The following ZNF827 variants were observed in gnomAD, a reference collection of about 807,000 sequenced individuals.
ZNF827 encodes the protein zinc finger protein 827.
ZNF827 carries 13 observed loss-of-function variants against 102.4 expected under a neutral mutation model. The ratio of observed to expected loss-of-function variants is 0.13; its 90% CI spans 0.08 to 0.20. The LOEUF (loss-of-function observed/expected upper bound fraction) is 0.20. Among genes scored for constraint, ZNF827 ranks in the 10% least tolerant of loss-of-function variants. The pLI, the probability that ZNF827 is intolerant of heterozygous loss-of-function variation, is 1.00. For missense variants in ZNF827, 1,103 were observed against 1,344.4 expected (o/e 0.82, Z 2.81); for synonymous variants, 523 against 536.2 (o/e 0.98, Z 0.34).
At chr4:145,904,029 T>C (rs144655130) in intron 1 of ZNF827, among the ~76,000 whole-genome samples, 2 of 152,272 alleles carry the variant, frequency 1.3e-5, no homozygotes, top group Non-Finnish European at 2.9e-5. Context: ...ACTAAGAGTG[T>C]CTTTTCATTA....
intron 8 of ZNF827, among the ~76,000 whole-genome samples, chr4:145,820,852 A>C (rs1447809535): frequency 1.3e-5 from 2 of 152,118 alleles, no homozygotes; most frequent in African/African-American, 4.8e-5. Context: ...TTCACACTCC[A>C]ATCTTATTAT....
intron 2 of ZNF827, among the ~76,000 whole-genome samples, chr4:145,899,978 T>C (rs745312956): frequency 6.6e-6 from 1 of 152,222 alleles, no homozygotes; most frequent in Non-Finnish European, 1.5e-5. Context: ...ATCTCCCATA[T>C]TCAATTATTC....
chr4:145,867,717 A>AT (rs1250880162), intron 5 of ZNF827, among the ~76,000 whole-genome samples: 1 of 152,230 alleles, frequency 6.6e-6, no homozygotes, highest in Admixed American at 6.5e-5. Context: ...TTTCCCAAGC[A>AT]TATGGGAAGA....
intron 5 of ZNF827, among the ~76,000 whole-genome samples, chr4:145,857,387 T>A (rs1561006012): frequency 6.6e-6 from 1 of 152,254 alleles, no homozygotes; most frequent in Non-Finnish European, 1.5e-5. Flanking sequence ...ACATATCATT[T>A]TCTACAAGAT....
rs546415878 is a variant in ZNF827 at position 145,902,139 on chromosome 4, C to G, written c.1093+27G>C. ...CAGTTTATAGTCTAAAGGACTTACACGATGATTGAAAGAAAAGATGCCATA... is the reference window on the plus strand; with the variant it reads ...CAGTTTATAGTCTAAAGGACTTACAGGATGATTGAAAGAAAAGATGCCATA... On this transcript the variant is annotated intron_variant, in intron 2 of 14. Transcript: ENST00000508784. The surrounding 1 kb of genome is among the most constrained non-coding windows in gnomAD (Gnocchi z 4.3). 1 of 1,558,962 alleles carries G rather than the reference C, an allele frequency of 6.4e-7. No homozygotes were observed. The highest frequency in any genetic ancestry group is 1.4e-5 in the African/African-American group (1 of 72,708).
intron 1 of ZNF827, among the ~76,000 whole-genome samples, chr4:145,925,027 T>A (rs1753327176): frequency 6.6e-6 from 1 of 152,106 alleles, no homozygotes; most frequent in Non-Finnish European, 1.5e-5. Flanking sequence ...GGCCTCACAA[T>A]CACAGTGGAA....
chr4:145,864,518 T>C (rs1296424903), intron 5 of ZNF827, among the ~76,000 whole-genome samples: 1 of 151,300 alleles, frequency 6.6e-6, no homozygotes, highest in Non-Finnish European at 1.5e-5. Context: ...CGCTTGAGCC[T>C]AGGAGTTCAA....
rs6858714 is a variant in ZNF827 at position 145,861,792 on chromosome 4, T to C, written c.1981+8453A>G. Reference sequence around the variant, plus strand: ...AGTCCAACAGAAAAGGAATCTACGATGAAGGTGGAGCACATTAAATTCCTG... The same window carrying C: ...AGTCCAACAGAAAAGGAATCTACGACGAAGGTGGAGCACATTAAATTCCTG... On this transcript the variant is annotated intron_variant, in intron 5 of 14. Transcript: ENST00000508784. Among the ~76,000 whole-genome samples the C allele has an allele frequency of 6.4e-3, 978 of 152,228 alleles. 15 individuals are homozygous for C. The highest frequency in any genetic ancestry group is 0.023 in the African/African-American group (942 of 41,522).
rs762854768 is a variant in ZNF827 at position 145,902,649 on chromosome 4, AGGT to A, written c.607_609del (p.Thr203del). ...ATGGCTGAATCCGGAGACAAGCTGCAGGTGGTGGTTGAGTTTGGCAACCACTTA... is the reference window on the plus strand; with the variant it reads ...ATGGCTGAATCCGGAGACAAGCTGCAGGTGGTTGAGTTTGGCAACCACTTA... On this transcript the variant is annotated inframe_deletion, in exon 2 of 15. Transcript: ENST00000508784. The surrounding 1 kb of genome is among the most constrained non-coding windows in gnomAD (Gnocchi z 4.3). 13 of 1,613,946 alleles carry A rather than the reference AGGT, an allele frequency of 8.1e-6. No homozygotes were observed. The East Asian group carries it at 2.5e-4, about 30-fold the overall frequency.
At chr4:145,916,926 T>C (rs1352469591) in intron 1 of ZNF827, among the ~76,000 whole-genome samples, 1 of 152,188 alleles carries the variant, frequency 6.6e-6, no homozygotes, top group African/African-American at 2.4e-5. Flanking sequence ...AAGGATGGCC[T>C]TTACTCCAGT....
At chr4:145,908,921 C>T (rs1228402428) in intron 1 of ZNF827, among the ~76,000 whole-genome samples, 4 of 152,064 alleles carry the variant, frequency 2.6e-5, no homozygotes, top group Admixed American at 2.6e-4. Context: ...AAATGGACCT[C>T]AAAGGATGAG....
At chr4:145,835,333 C>T (rs891977438) in intron 7 of ZNF827, 31 of 152,154 alleles carry the variant, frequency 2.0e-4, no homozygotes, top group African/African-American at 5.5e-4. Context: ...GGAGGCTACC[C>T]ACTCTACATT....
intron 1 of ZNF827, among the ~76,000 whole-genome samples, chr4:145,921,070 C>A (rs1222919146): frequency 6.6e-6 from 1 of 152,118 alleles, no homozygotes; most frequent in Non-Finnish European, 1.5e-5. Flanking sequence ...TGGGACAATG[C>A]AGGAGGGGAA....
At chr4:145,826,472 T>A (rs1743691103) in intron 7 of ZNF827, among the ~76,000 whole-genome samples, 1 of 152,182 alleles carries the variant, frequency 6.6e-6, no homozygotes, top group Admixed American at 6.5e-5. Context: ...TAGTCCCCCC[T>A]TACCCATGGT....
intron 8 of ZNF827, among the ~76,000 whole-genome samples, 185 bp from the exon 9 acceptor site, chr4:145,779,696 G>A (rs1267372687): frequency 6.6e-6 from 1 of 152,164 alleles, no homozygotes; most frequent in Admixed American, 6.5e-5. Context: ...TGAAAGCTGC[G>A]GTGGCAAGTG....
intron 8 of ZNF827, among the ~76,000 whole-genome samples, chr4:145,782,080 C>T (rs946595005): frequency 2.0e-5 from 3 of 152,204 alleles, no homozygotes; most frequent in South Asian, 2.1e-4. Flanking sequence ...GCAGTTGTCA[C>T]GGGGCACCCA....
At chr4:145,820,702 A>G (rs1445119984) in intron 8 of ZNF827, among the ~76,000 whole-genome samples, 1 of 152,026 alleles carries the variant, frequency 6.6e-6, no homozygotes, top group Non-Finnish European at 1.5e-5. Flanking sequence ...TTTTCTCTCT[A>G]ACTCAGGCCC....
intron 1 of ZNF827, among the ~76,000 whole-genome samples, chr4:145,937,976 A>C (rs1026747090): frequency 4.0e-3 from 269 of 67,334 alleles, no homozygotes; most frequent in Middle Eastern, 7.7e-3. Context: ...AACCTCTCCC[A>C]CCTCCCCCCA....
At chr4:145,825,248 C>T (rs376463881) in intron 7 of ZNF827, among the ~76,000 whole-genome samples, 1 of 152,196 alleles carries the variant, frequency 6.6e-6, no homozygotes, top group African/African-American at 2.4e-5. Flanking sequence ...CTGGGGAAGG[C>T]GGCCCCAGCA....
Sources: allele counts gnomAD v4.1 joint callset (sites outside exome capture counted in the v4.1 genomes callset), GRCh38; gene constraint gnomAD v4.1.1; non-coding constraint Gnocchi (gnomAD v3.1); transcripts MANE v1.5; gene names NCBI Gene and HGNC (gene_info 2026-07-23, HGNC 2026-07-21).